The following TLL2 variants were observed in gnomAD, a reference collection of about 807,000 sequenced individuals.
The protein encoded by TLL2 is tolloid-like protein 2.
Under a neutral mutation model 123.0 loss-of-function variants are expected in TLL2, and 106 were observed. That is an observed-to-expected ratio of 0.86 (90% CI 0.74 to 1.01). The LOEUF (loss-of-function observed/expected upper bound fraction) is 1.01. Among genes scored for constraint, TLL2 ranks in the 50% least tolerant of loss-of-function variants. The pLI is 0.00. For missense variants in TLL2, 1,332 were observed against 1,336.7 expected, an observed-to-expected ratio of 1.00 and a Z score of 0.06; for synonymous variants, 494 against 516.8, an observed-to-expected ratio of 0.96 and a Z score of 0.60.
intron 17 of TLL2, 59 bp from the exon 18 acceptor site, chr10:96,376,878 G>A: frequency 1.4e-6 from 2 of 1,460,200 alleles, no homozygotes; most frequent in Non-Finnish European, 1.8e-6. Flanking sequence ...GGCAGCACAA[G>A]AAGGATTCTA....
At chr10:96,455,666 C>T (rs571175013) in intron 2 of TLL2, among the ~76,000 whole-genome samples, 27 of 152,332 alleles carry the variant, frequency 1.8e-4, no homozygotes, top group African/African-American at 5.3e-4. Context: ...CATGAAGTTA[C>T]CCTATATGAT....
At chr10:96,435,804 A>G (rs768124507) in intron 3 of TLL2, among the ~76,000 whole-genome samples, 38 of 152,226 alleles carry the variant, frequency 2.5e-4, no homozygotes, top group Non-Finnish European at 4.7e-4. Context: ...TACTTGGTGC[A>G]TTAATTTTAC....
chr10:96,370,404 G>C, intron 19 of TLL2, 89 bp from the exon 20 acceptor site: 1 of 1,456,216 alleles, frequency 6.9e-7, no homozygotes, highest in Non-Finnish European at 9.1e-7. Flanking sequence ...TACAGAGCCT[G>C]GTGCGTGCCT....
chr10:96,460,056 T>A (rs1315350451), intron 2 of TLL2, among the ~76,000 whole-genome samples: 1 of 152,184 alleles, frequency 6.6e-6, no homozygotes, highest in East Asian at 1.9e-4. Context: ...TTGACATATT[T>A]AACTTCAAAA....
At position 96,405,214 on chromosome 10, in the gene TLL2, T is replaced by C. The variant is rs1193078661; in HGVS notation, c.1267+18A>G. On this transcript the variant is annotated intron_variant, in intron 10 of 20. Coordinates refer to ENST00000357947, the MANE Select transcript of TLL2 (RefSeq NM_012465.4). ...CATCCCATCACTCCTCTCTTAACGG[T>C]GTCTAAAGTCAACTTACCCAAAAGG... The C allele has an allele frequency of 3.1e-6, 5 of 1,607,550 alleles. No homozygotes were observed. Among genetic ancestry groups the C allele is most frequent in the Admixed American group, 1.7e-5 (1 of 59,988 alleles).
In TLL2 at chr10:96,397,184, A is replaced by G; in HGVS notation, c.1384+2T>C. ...GAGCAGCTGCTTTCACCTCGCACAA[A>G]CCTTCGTACGCTGCAAAGAAGCCCT... On this transcript the variant is annotated splice_donor_variant, in intron 11 of 20. Coordinates refer to ENST00000357947, the MANE Select transcript of TLL2 (RefSeq NM_012465.4). LOFTEE classifies it high-confidence loss of function. 6.2e-7 allele frequency: 1 copy of G among 1,609,412 alleles called. No homozygotes were observed. Among genetic ancestry groups the G allele is most frequent in the Non-Finnish European group, 8.5e-7 (1 of 1,177,532 alleles).
At chr10:96,415,036 T>C (rs902282228) in intron 7 of TLL2, among the ~76,000 whole-genome samples, 2 of 152,190 alleles carry the variant, frequency 1.3e-5, no homozygotes, top group Non-Finnish European at 2.9e-5. Flanking sequence ...TTGGCCACAA[T>C]GCTGCAATGG....
intron 2 of TLL2, among the ~76,000 whole-genome samples, chr10:96,476,241 T>TATATATATATATATATC (rs1554939631): frequency 2.8e-5 from 2 of 72,398 alleles, no homozygotes; most frequent in South Asian, 5.1e-4. Flanking sequence ...TATATATATA[T>TATATATATATATATATC]TTTATTTTTG....
chr10:96,461,226 T>A (rs1276710690), intron 2 of TLL2, among the ~76,000 whole-genome samples: 2 of 152,196 alleles, frequency 1.3e-5, no homozygotes, highest in African/African-American at 4.8e-5. Flanking sequence ...TTATTATGCA[T>A]CTAAAATGTG....
chr10:96,471,899 T>C (rs962555850), intron 2 of TLL2, among the ~76,000 whole-genome samples: 1 of 152,098 alleles, frequency 6.6e-6, no homozygotes, highest in African/African-American at 2.4e-5. Context: ...ATTGTGTGTG[T>C]GTCTGTGTGC....
intron 17 of TLL2, 82 bp from the exon 18 acceptor site, chr10:96,376,901 C>A (rs968232827): frequency 1.4e-6 from 2 of 1,404,190 alleles, no homozygotes; most frequent in South Asian, 3.2e-5. Context: ...GGGGTCTCCT[C>A]CCCTCTCTCC....
intron 1 of TLL2, among the ~76,000 whole-genome samples, chr10:96,501,430 T>G (rs1847532293): frequency 1.3e-5 from 2 of 152,190 alleles, no homozygotes; most frequent in Admixed American, 1.3e-4. Context: ...GGACTCGAAC[T>G]CTGAGAGGTC....
intron 13 of TLL2, among the ~76,000 whole-genome samples, chr10:96,389,080 A>C (rs973888452): frequency 1.3e-5 from 2 of 152,234 alleles, no homozygotes; most frequent in Admixed American, 1.3e-4. Flanking sequence ...ATTTGCTAAA[A>C]AGCATAGAAA....
At chr10:96,450,949 C>A (rs748700167) in intron 2 of TLL2, among the ~76,000 whole-genome samples, 3 of 152,176 alleles carry the variant, frequency 2.0e-5, no homozygotes, top group Non-Finnish European at 2.9e-5. Flanking sequence ...TTTCATTAGT[C>A]ACAGAGGTTT....
rs1224437959 is a variant in TLL2 at position 96,365,231 on chromosome 10, A to G, written c.*2857T>C. On this transcript the variant is annotated 3_prime_UTR_variant, in exon 21 of 21. Transcript: ENST00000357947. ...AAGCTTGCTTTAGAGAGAAATTGTAAAGTAGAAATAAAAAGGAAACTTCAC... is the reference window on the plus strand; with the variant it reads ...AAGCTTGCTTTAGAGAGAAATTGTAGAGTAGAAATAAAAAGGAAACTTCAC... 1 of 152,242 alleles carries G rather than the reference A, an allele frequency of 6.6e-6. No individual in the cohort carries two copies. The highest frequency in any genetic ancestry group is 1.5e-5 in the Non-Finnish European group (1 of 68,044). The allele number at this position is 152,242 out of a possible 1,614,324, so 9.4% of individuals were successfully genotyped here.
At chr10:96,479,362 G>A (rs1253608997) in intron 2 of TLL2, among the ~76,000 whole-genome samples, 2 of 152,200 alleles carry the variant, frequency 1.3e-5, no homozygotes, top group African/African-American at 4.8e-5. Flanking sequence ...AGCTGCTCTG[G>A]TTCCTCATGA....
chr10:96,381,606 TC>T (rs1846187791), intron 16 of TLL2, among the ~76,000 whole-genome samples: 1 of 152,222 alleles, frequency 6.6e-6, no homozygotes, highest in Non-Finnish European at 1.5e-5. Flanking sequence ...CAAAAAGTCT[TC>T]ACCCACTGCT....
intron 7 of TLL2, among the ~76,000 whole-genome samples, chr10:96,414,028 T>G (rs1416603965): frequency 6.6e-6 from 1 of 152,174 alleles, no homozygotes; most frequent in Non-Finnish European, 1.5e-5. Context: ...AACATCTTAT[T>G]CTACTCCTAT....
At position 96,413,236 on chromosome 10, in the gene TLL2, C is replaced by CTT. The variant is rs1248537785; in HGVS notation, c.1003_1004insAA (p.Ser335LysfsTer6). 3.1e-6 allele frequency: 5 copies of CTT among 1,614,106 alleles called. No homozygotes were observed. The highest frequency in any genetic ancestry group is 4.2e-6 in the Non-Finnish European group (5 of 1,180,034). On this transcript the variant is annotated frameshift_variant, in exon 8 of 21. Transcript: ENST00000357947. LOFTEE classifies it high-confidence loss of function. ...CCGGGCTTGAGCTATGTCTCCCTGACTGAGCCGCACGCGCTGGCCAATGGT... is the reference window on the plus strand; with the variant it reads ...CCGGGCTTGAGCTATGTCTCCCTGACTTTGAGCCGCACGCGCTGGCCAATGGT...
Sources: gnomAD v4.1 joint callset for allele counts (sites outside exome capture counted in the v4.1 genomes callset) on GRCh38, gnomAD v4.1.1 for gene constraint, MANE v1.5 for transcripts, NCBI Gene and HGNC (gene_info 2026-07-23, HGNC 2026-07-21) for gene names.